The following CHIC1 variants were observed in gnomAD, a reference collection of about 807,000 sequenced individuals.
The protein encoded by CHIC1 is cysteine rich hydrophobic domain 1, also known as cysteine-rich hydrophobic domain-containing protein 1.
In CHIC1, 7 loss-of-function variants were observed where a neutral mutation model predicts 18.5. That is an observed-to-expected ratio of 0.38 (90% CI 0.22 to 0.71). CHIC1 has a LOEUF of 0.71. CHIC1 is among the 30% of genes least tolerant of loss of function. The probability of loss-of-function intolerance (pLI) is 0.49; values close to 1 mark genes in which losing one functional copy is unlikely to be tolerated. For missense variants in CHIC1, 159 were observed against 176.9 expected (o/e 0.90, Z 0.57); for synonymous variants, 77 against 73.5 (o/e 1.05, Z -0.25).
At chrX:73,677,175 G>T (rs1472960896) in intron 3 of CHIC1, among the ~76,000 whole-genome samples, 4 of 112,043 alleles carry the variant, frequency 3.6e-5, no homozygotes, top group Non-Finnish European at 7.5e-5. Context: ...GCTACTCGGG[G>T]GTCAGGGACC....
chrX:73,654,607 ATTAG>A (rs1053032252), intron 3 of CHIC1, among the ~76,000 whole-genome samples: 4 of 111,938 alleles, frequency 3.6e-5, no homozygotes. Context: ...AGGAATTGTT[ATTAG>A]TTCTTCTTTA....
rs766363951 is a variant in CHIC1, at chrX:73,643,071, A to G, written c.508-36255A>G. ...CTTTTAGGGCAGGCCTGGTGGTGACAAAATCTCTCAGCATTTGCTTGTCTG... is the reference window on the plus strand; with the variant it reads ...CTTTTAGGGCAGGCCTGGTGGTGACGAAATCTCTCAGCATTTGCTTGTCTG... On this transcript the variant is annotated intron_variant, in intron 3 of 5. Coordinates refer to ENST00000373502, the MANE Select transcript of CHIC1 (RefSeq NM_001039840.4). Among the ~76,000 whole-genome samples, 708 of 111,773 alleles carry G rather than the reference A, an allele frequency of 6.3e-3. 8 individuals carry two copies. Among genetic ancestry groups the G allele is most frequent in the African/African-American group, 0.022 (664 of 30,798 alleles).
At chrX:73,674,065 A>G (rs2058047856) in intron 3 of CHIC1, among the ~76,000 whole-genome samples, 1 of 112,099 alleles carries the variant, frequency 8.9e-6, no homozygotes, top group East Asian at 2.8e-4. Flanking sequence ...TGATTTGCAT[A>G]TGTTGAACCA....
At chrX:73,665,215 C>T (rs916818537) in intron 3 of CHIC1, among the ~76,000 whole-genome samples, 2 of 110,603 alleles carry the variant, frequency 1.8e-5, no homozygotes, top group African/African-American at 6.6e-5. Context: ...TGCCCAGAAA[C>T]GGCAAGGCTG....
chrX:73,570,379 G>T (rs2057464941), intron 1 of CHIC1, among the ~76,000 whole-genome samples: 1 of 110,947 alleles, frequency 9.0e-6, no homozygotes, highest in South Asian at 3.8e-4. Context: ...TGAAGGAAGG[G>T]AACATTATGA....
intron 3 of CHIC1, among the ~76,000 whole-genome samples, chrX:73,652,608 G>T (rs1385437405): frequency 8.9e-6 from 1 of 112,092 alleles, no homozygotes; most frequent in African/African-American, 3.2e-5. Flanking sequence ...CATTTATGTG[G>T]CCAACAAACA....
At chrX:73,658,475 A>G (rs2147616065) in intron 3 of CHIC1, among the ~76,000 whole-genome samples, 1 of 107,233 alleles carries the variant, frequency 9.3e-6, no homozygotes, top group South Asian at 4.2e-4. Flanking sequence ...CTATGTGGTC[A>G]GTGGTGTTAT....
rs1289977102 is a variant in CHIC1, at chrX:73,686,513, A to T, written c.*5508A>T. On this transcript the variant is annotated 3_prime_UTR_variant, in exon 6 of 6. Transcript: ENST00000373502. The stretch of plus-strand genomic sequence containing the variant: ...AAGTAGTTCTGTGTATAAATTCAAC[A>T]TGATGAATCAAGGCAATAATTTCTC... The T allele has an allele frequency of 1.8e-5, 2 of 112,032 alleles. No individual in the cohort carries two copies. The highest frequency in any genetic ancestry group is 3.8e-5 in the Non-Finnish European group (2 of 53,019). The allele number at this position is 112,032 out of a possible 1,213,427, so 9.2% of individuals were successfully genotyped here. A position where few individuals can be genotyped will look rare whatever the true frequency, so the allele number is the denominator to read the frequency against.
At chrX:73,657,934 G>A (rs991578238) in intron 3 of CHIC1, among the ~76,000 whole-genome samples, 5 of 111,386 alleles carry the variant, frequency 4.5e-5, no homozygotes, top group East Asian at 5.6e-4. Context: ...ATTTGTATAC[G>A]TTGAACCAAC....
intron 3 of CHIC1, among the ~76,000 whole-genome samples, chrX:73,664,848 C>G (rs1354520682): frequency 9.0e-6 from 1 of 111,504 alleles, no homozygotes; most frequent in Non-Finnish European, 1.9e-5. Context: ...CACAACTCAT[C>G]ATATTCTGCC....
At chrX:73,565,050 C>CT (rs1429525435) in intron 1 of CHIC1, among the ~76,000 whole-genome samples, 1 of 110,466 alleles carries the variant, frequency 9.1e-6, no homozygotes, top group Non-Finnish European at 1.9e-5. Context: ...TTTAGAGCTG[C>CT]TTTTTGATTA....
At chrX:73,599,730 C>G (rs1265119866) in intron 3 of CHIC1, among the ~76,000 whole-genome samples, 1 of 106,990 alleles carries the variant, frequency 9.3e-6, no homozygotes, top group Non-Finnish European at 1.9e-5. Flanking sequence ...GTTTTGGTTA[C>G]TGTAGCCTTA....
chrX:73,597,033 GTAACTAAAC>G (rs2057612771), intron 3 of CHIC1, among the ~76,000 whole-genome samples: 1 of 111,687 alleles, frequency 9.0e-6, no homozygotes, highest in Non-Finnish European at 1.9e-5. Context: ...AAAATGGGAT[GTAACTAAAC>G]TAAAGAGCTT....
intron 3 of CHIC1, among the ~76,000 whole-genome samples, chrX:73,635,499 T>G (rs73229445): frequency 0.037 from 4,098 of 111,564 alleles, 79 homozygotes; most frequent in Middle Eastern, 0.056. Flanking sequence ...TCTAGGTCTT[T>G]CATTTGGGGG....
At chrX:73,644,993 C>T (rs969136212) in intron 3 of CHIC1, among the ~76,000 whole-genome samples, 5 of 112,428 alleles carry the variant, frequency 4.4e-5, no homozygotes, top group Non-Finnish European at 9.4e-5. Context: ...CACCCACTGT[C>T]TGGCACTCCC....
At chrX:73,575,630 T>G (rs2057493751) in intron 1 of CHIC1, among the ~76,000 whole-genome samples, 2 of 110,046 alleles carry the variant, frequency 1.8e-5, no homozygotes, top group African/African-American at 6.6e-5. Context: ...AGACAAAAAA[T>G]GGTATACCTT....
At chrX:73,679,133 CTTA>C (rs745693476) in intron 3 of CHIC1, among the ~76,000 whole-genome samples, 190 bp from the exon 4 acceptor site, 12 of 111,811 alleles carry the variant, frequency 1.1e-4, no homozygotes, top group African/African-American at 3.2e-4. Flanking sequence ...GGTAGATAAT[CTTA>C]TTATAATAGT....
intron 3 of CHIC1, among the ~76,000 whole-genome samples, chrX:73,669,249 A>G (rs1435811118): frequency 8.9e-6 from 1 of 111,989 alleles, no homozygotes; most frequent in Non-Finnish European, 1.9e-5. Flanking sequence ...CCAGGGAGAG[A>G]TCAGAGCTCT....
intron 3 of CHIC1, among the ~76,000 whole-genome samples, chrX:73,598,031 T>G (rs888467102): frequency 9.0e-6 from 1 of 111,506 alleles, no homozygotes; most frequent in African/African-American, 3.3e-5. Context: ...TCATGTGCAT[T>G]TGGGTTGGTT....
Sources: allele counts gnomAD v4.1 joint callset (sites outside exome capture counted in the v4.1 genomes callset), GRCh38; gene constraint gnomAD v4.1.1; transcripts MANE v1.5; gene names NCBI Gene and HGNC (gene_info 2026-07-23, HGNC 2026-07-21).